The following FBXW11 variants were observed in gnomAD, a reference collection of about 807,000 sequenced individuals.
FBXW11 encodes the protein F-box/WD repeat-containing protein 11.
In FBXW11, 19 loss-of-function variants were observed where a neutral mutation model predicts 77.6. That is an observed-to-expected ratio of 0.24 (90% CI 0.17 to 0.36). The LOEUF is 0.36. Among genes scored for constraint, FBXW11 ranks in the 10% least tolerant of loss-of-function variants. FBXW11 has a pLI of 1.00. For missense variants in FBXW11, 334 were observed against 704.2 expected, an observed-to-expected ratio of 0.47 and a Z score of 5.95; for synonymous variants, 235 against 249.4, an observed-to-expected ratio of 0.94 and a Z score of 0.54.
intron 1 of FBXW11, among the ~76,000 whole-genome samples, chr5:171,976,739 G>C (rs1764846776): frequency 1.3e-5 from 2 of 152,082 alleles, no homozygotes; most frequent in Admixed American, 6.6e-5. Flanking sequence ...CCAGCCTCCA[G>C]GTGAGCTCTA....
chr5:171,888,054 G>T (rs1215477762), intron 7 of FBXW11, among the ~76,000 whole-genome samples: 2 of 152,138 alleles, frequency 1.3e-5, no homozygotes, highest in African/African-American at 4.8e-5. Context: ...CTAAAATTCT[G>T]AAAGAAATCC....
chr5:171,992,532 A>G (rs1480495678), intron 1 of FBXW11, among the ~76,000 whole-genome samples: 2 of 151,974 alleles, frequency 1.3e-5, no homozygotes, highest in African/African-American at 4.8e-5. Flanking sequence ...GAAAAAGAAA[A>G]AGAAGGAAAG....
intron 1 of FBXW11, among the ~76,000 whole-genome samples, chr5:171,985,227 A>G (rs772072827): frequency 1.4e-4 from 21 of 152,126 alleles, no homozygotes; most frequent in Non-Finnish European, 2.8e-4. Context: ...TAATCTGACA[A>G]CTGGAGTGAT....
At chr5:171,954,445 G>GC (rs1263410848) in intron 2 of FBXW11, among the ~76,000 whole-genome samples, 2 of 152,160 alleles carry the variant, frequency 1.3e-5, no homozygotes, top group African/African-American at 4.8e-5. Context: ...GAAAGAACGT[G>GC]GAAAATAAAT....
At chr5:171,977,309 C>CA (rs58800740) in intron 1 of FBXW11, among the ~76,000 whole-genome samples, 5,824 of 62,334 alleles carry the variant, frequency 0.093, 204 homozygotes, top group African/African-American at 0.21. Context: ...GACCATGTCT[C>CA]AAAAAAAAAA....
intron 2 of FBXW11, among the ~76,000 whole-genome samples, chr5:171,933,011 G>A (rs1457161038): frequency 6.9e-6 from 1 of 145,010 alleles, no homozygotes; most frequent in Non-Finnish European, 1.5e-5. Flanking sequence ...TGCACCTGTT[G>A]TTCCAGCTAC....
chr5:171,986,385 A>C (rs1056394913), intron 1 of FBXW11, among the ~76,000 whole-genome samples: 1 of 152,164 alleles, frequency 6.6e-6, no homozygotes, highest in African/African-American at 2.4e-5. Flanking sequence ...CCTGGGTGAC[A>C]GAGTGAGACT....
intron 6 of FBXW11, 119 bp from the exon 7 acceptor site, chr5:171,891,723 T>A (rs551230860): frequency 6.4e-5 from 60 of 933,800 alleles, no homozygotes; most frequent in Non-Finnish European, 1.3e-5. Context: ...TTGGTTTGCA[T>A]AACTGTCTGT....
chr5:171,903,040 T>C (rs1159229923), intron 4 of FBXW11, among the ~76,000 whole-genome samples: 1 of 152,246 alleles, frequency 6.6e-6, no homozygotes, highest in Non-Finnish European at 1.5e-5. Context: ...TTTTCAACTC[T>C]TTCAATTTAC....
chr5:171,881,365 A>G (rs116003693), intron 7 of FBXW11, among the ~76,000 whole-genome samples: 3,039 of 152,270 alleles, frequency 0.02, 55 homozygotes, highest in Non-Finnish European at 0.029. Context: ...GATACTCTTT[A>G]TCAAGTTAAG....
chr5:171,937,758 G>T (rs1438656802), intron 2 of FBXW11, among the ~76,000 whole-genome samples: 5 of 149,956 alleles, frequency 3.3e-5, no homozygotes, highest in African/African-American at 1.2e-4. Flanking sequence ...AACCTGGGAG[G>T]TTGAAGCTGC....
In FBXW11 at chr5:171,986,563, C is replaced by T. The variant is rs147165268; in HGVS notation, c.45+19895G>A. Among the ~76,000 whole-genome samples the T allele has an allele frequency of 3.0e-4, 45 of 152,004 alleles. 1 individual carries two copies. The highest frequency in any genetic ancestry group is 3.4e-3 in the Middle Eastern group (1 of 294). On this transcript the variant is annotated intron_variant, in intron 1 of 13. Transcript: ENST00000517395. Reference sequence around the variant, plus strand: ...CCAACATGGCAAAGCCCCATCTCTGCTAAAAATACAAAAATTAGCCAGGCA... The same window carrying T: ...CCAACATGGCAAAGCCCCATCTCTGTTAAAAATACAAAAATTAGCCAGGCA...
chr5:171,890,936 A>G (rs1759308040), intron 7 of FBXW11, among the ~76,000 whole-genome samples: 1 of 152,248 alleles, frequency 6.6e-6, no homozygotes. Flanking sequence ...GTTTTTTTAC[A>G]AAGTTTAAAA....
chr5:171,937,232 T>G (rs1023766842), intron 2 of FBXW11, among the ~76,000 whole-genome samples: 4 of 152,140 alleles, frequency 2.6e-5, no homozygotes, highest in African/African-American at 9.7e-5. Context: ...AAAGCAAACT[T>G]ACATGAGTAT....
chr5:172,006,383 C>T, intron 1 of FBXW11, 75 bp downstream of exon 1: 1 of 1,350,502 alleles, frequency 7.4e-7, no homozygotes, highest in Non-Finnish European at 1.0e-6. Flanking sequence ...CGGCCTCGCA[C>T]CGGACGTTGA....
At chr5:172,000,980 C>A (rs1286837976) in intron 1 of FBXW11, among the ~76,000 whole-genome samples, 1 of 152,134 alleles carries the variant, frequency 6.6e-6, no homozygotes, top group Non-Finnish European at 1.5e-5. Context: ...TTCCTCAGTT[C>A]TTTGCTAACA....
chr5:171,911,532 G>GT (rs760265098), intron 3 of FBXW11, among the ~76,000 whole-genome samples: 1 of 152,270 alleles, frequency 6.6e-6, no homozygotes, highest in East Asian at 1.9e-4. Flanking sequence ...TTACCCAACA[G>GT]TTTCAATCTC....
intron 4 of FBXW11, among the ~76,000 whole-genome samples, chr5:171,910,004 T>G (rs552465910): frequency 5.3e-5 from 8 of 151,550 alleles, no homozygotes; most frequent in Non-Finnish European, 1.0e-4. Context: ...ATAAAAAGCA[T>G]ATCATTAACT....
chr5:171,898,496 G>C (rs568715568), intron 6 of FBXW11, among the ~76,000 whole-genome samples: 2 of 152,268 alleles, frequency 1.3e-5, no homozygotes, highest in African/African-American at 2.4e-5. Context: ...TACTGGTCTG[G>C]TGAAGTTACG....
Sources: gnomAD v4.1 joint callset for allele counts (sites outside exome capture counted in the v4.1 genomes callset) on GRCh38, gnomAD v4.1.1 for gene constraint, MANE v1.5 for transcripts, NCBI Gene and HGNC (gene_info 2026-07-23, HGNC 2026-07-21) for gene names.